KCNT2: variants seen among roughly 807,000 people sequenced by gnomAD.
KCNT2 encodes potassium channel subfamily T member 2.
In KCNT2, 67 loss-of-function variants were observed where a neutral mutation model predicts 153.8. That is an observed-to-expected ratio of 0.44 (90% CI 0.36 to 0.53). The LOEUF (loss-of-function observed/expected upper bound fraction) is 0.53. Ranked by LOEUF, KCNT2 falls within the 20% of genes least tolerant of loss-of-function variation. The pLI, the probability that KCNT2 is intolerant of heterozygous loss-of-function variation, is 0.00. For synonymous variants in KCNT2, 500 were observed against 458.8 expected (o/e 1.09, Z -1.15); for missense variants, 975 against 1,354.8 (o/e 0.72, Z 4.40).
intron 3 of KCNT2, 26 bp from the exon 4 acceptor site, chr1:196,482,405 G>GT (rs763179508): frequency 4.6e-6 from 6 of 1,308,482 alleles, no homozygotes; most frequent in Admixed American, 5.0e-5. Context: ...TAATAAGTTA[G>GT]TTTTTTAAAA....
intron 19 of KCNT2, among the ~76,000 whole-genome samples, chr1:196,321,849 T>C (rs542494901): frequency 6.6e-6 from 1 of 152,126 alleles, no homozygotes; most frequent in East Asian, 1.9e-4. Context: ...TTACATGTAT[T>C]ATGCCAGCTG....
intron 8 of KCNT2, among the ~76,000 whole-genome samples, chr1:196,442,803 C>T (rs1675357402): frequency 6.6e-6 from 1 of 151,576 alleles, no homozygotes; most frequent in Admixed American, 6.6e-5. Flanking sequence ...AACAAATTAA[C>T]ACGCTTTGCC....
chr1:196,479,072 A>G (rs1678781488), intron 5 of KCNT2, 107 bp downstream of exon 5: 1 of 718,570 alleles, frequency 1.4e-6, no homozygotes, highest in African/African-American at 1.8e-5. Flanking sequence ...AAAGTGGCTC[A>G]AGAAGAGTCA....
At chr1:196,303,536 T>C (rs1661375057) in intron 22 of KCNT2, among the ~76,000 whole-genome samples, 1 of 152,146 alleles carries the variant, frequency 6.6e-6, no homozygotes, top group Non-Finnish European at 1.5e-5. Context: ...ATGCACAGAA[T>C]GAAATATTTA....
At chr1:196,592,716 AATATATATATACATATATATAT>A (rs1663527550) in intron 1 of KCNT2, among the ~76,000 whole-genome samples, 1 of 146,954 alleles carries the variant, frequency 6.8e-6, no homozygotes, top group African/African-American at 2.5e-5. Flanking sequence ...CACATATATA[AATATATATATACATATATATAT>A]ATAGTCAGAA....
intron 9 of KCNT2, 32 bp downstream of exon 9, chr1:196,429,545 A>T: frequency 6.8e-7 from 1 of 1,472,466 alleles, no homozygotes; most frequent in African/African-American, 1.4e-5. Flanking sequence ...GTCTCTGTAC[A>T]TTTCTATGCA....
intron 13 of KCNT2, among the ~76,000 whole-genome samples, chr1:196,385,038 C>T (rs1669844816): frequency 6.6e-6 from 1 of 152,072 alleles, no homozygotes; most frequent in Non-Finnish European, 1.5e-5. Context: ...ATTGAAATTT[C>T]AGTTTCACCA....
intron 2 of KCNT2, 102 bp downstream of exon 2, chr1:196,492,160 T>C: frequency 1.7e-6 from 2 of 1,163,974 alleles, no homozygotes; most frequent in Non-Finnish European, 2.3e-6. Flanking sequence ...AATAACCAAT[T>C]TTATTCCTCT....
chr1:196,411,459 A>AAC (rs1553317304), intron 12 of KCNT2, among the ~76,000 whole-genome samples: 2 of 149,758 alleles, frequency 1.3e-5, no homozygotes, highest in East Asian at 2.0e-4. Flanking sequence ...AAAAAAAAAA[A>AAC]AAAAAAAAAA....
At chr1:196,438,261 C>CA (rs1674904567) in intron 8 of KCNT2, among the ~76,000 whole-genome samples, 2 of 151,324 alleles carry the variant, frequency 1.3e-5, no homozygotes, top group African/African-American at 2.4e-5. Flanking sequence ...TTCTATTTTA[C>CA]AAAAAAATAA....
intron 8 of KCNT2, among the ~76,000 whole-genome samples, chr1:196,444,221 A>G (rs1675490023): frequency 6.6e-6 from 1 of 151,402 alleles, no homozygotes; most frequent in South Asian, 2.1e-4. Context: ...ATTTCTTCAT[A>G]TAAACTTTTC....
At chr1:196,254,123 A>G (rs1279496952) in intron 26 of KCNT2, among the ~76,000 whole-genome samples, 1 of 151,430 alleles carries the variant, frequency 6.6e-6, no homozygotes, top group East Asian at 1.9e-4. Context: ...TCATTAACTC[A>G]TCAATTACCC....
At chr1:196,232,397 A>G (rs994800143) in intron 27 of KCNT2, among the ~76,000 whole-genome samples, 7 of 151,734 alleles carry the variant, frequency 4.6e-5, no homozygotes, top group Non-Finnish European at 1.0e-4. Context: ...TGCAGTAGCA[A>G]AAGTTCCTTT....
intron 12 of KCNT2, among the ~76,000 whole-genome samples, chr1:196,418,502 G>A (rs12729649): frequency 0.62 from 93,380 of 151,724 alleles, 29,550 homozygotes; most frequent in Middle Eastern, 0.76. Context: ...AACAACTCAG[G>A]TTTGATGACT....
At chr1:196,564,440 T>A (rs994420986) in intron 1 of KCNT2, among the ~76,000 whole-genome samples, 1 of 151,852 alleles carries the variant, frequency 6.6e-6, no homozygotes, top group Non-Finnish European at 1.5e-5. Context: ...GATCTACAGA[T>A]TCATTGATAT....
chr1:196,296,173 T>C (rs1052892684), intron 22 of KCNT2, among the ~76,000 whole-genome samples: 2 of 151,948 alleles, frequency 1.3e-5, no homozygotes, highest in African/African-American at 4.8e-5. Context: ...GTATTAAAGA[T>C]AAACTGTCCT....
At chr1:196,325,847 G>A (rs1285692907) in intron 19 of KCNT2, among the ~76,000 whole-genome samples, 1 of 152,030 alleles carries the variant, frequency 6.6e-6, no homozygotes, top group African/African-American at 2.4e-5. Context: ...GGTAAAGTGA[G>A]AATAAACAAC....
At chr1:196,350,533 T>C (rs1335236602) in intron 14 of KCNT2, among the ~76,000 whole-genome samples, 2 of 151,874 alleles carry the variant, frequency 1.3e-5, no homozygotes, top group African/African-American at 2.4e-5. Context: ...TCATATCCTT[T>C]GCCCACTTTT....
At chr1:196,540,308 C>G (rs1278172486) in intron 1 of KCNT2, among the ~76,000 whole-genome samples, 1 of 152,112 alleles carries the variant, frequency 6.6e-6, no homozygotes, top group East Asian at 1.9e-4. Context: ...AGGAAATTGA[C>G]TAAAATTGCA....
Sources: allele counts gnomAD v4.1 joint callset (sites outside exome capture counted in the v4.1 genomes callset), GRCh38; gene constraint gnomAD v4.1.1; transcripts MANE v1.5; gene names NCBI Gene and HGNC (gene_info 2026-07-23, HGNC 2026-07-21).